The following CACNA2D1 variants were observed in gnomAD, a reference collection of about 807,000 sequenced individuals.
CACNA2D1 encodes calcium voltage-gated channel auxiliary subunit alpha2delta 1.
CACNA2D1 carries 53 observed loss-of-function variants against 171.5 expected under a neutral mutation model. The observed-to-expected ratio is 0.31, with a 90% CI of 0.25 to 0.39. The LOEUF (loss-of-function observed/expected upper bound fraction) is 0.39. CACNA2D1 is among the 10% of genes least tolerant of loss of function. CACNA2D1 has a pLI of 1.00. For synonymous variants in CACNA2D1, 442 were observed against 443.1 expected (o/e 1.00, Z 0.03); for missense variants, 903 against 1,299.8 (o/e 0.69, Z 4.69).
In CACNA2D1 at chr7:82,253,317, C is replaced by T. The variant is rs574736561; in HGVS notation, c.294+81818G>A. Among the ~76,000 whole-genome samples, 13 of 152,164 alleles carry T rather than the reference C, an allele frequency of 8.5e-5. No individual in the cohort carries two copies. In the South Asian group the frequency reaches 2.3e-3, roughly 27 times the overall value. On this transcript the variant is annotated intron_variant, in intron 3 of 38. Coordinates refer to ENST00000356860, the MANE Select transcript of CACNA2D1 (RefSeq NM_000722.4). Reference sequence around the variant, plus strand: ...TAAAGCAAGAAGACAGAAACACAGACCAGAAATGATAAGCGCATCATGTGA... The same window carrying T: ...TAAAGCAAGAAGACAGAAACACAGATCAGAAATGATAAGCGCATCATGTGA...
At chr7:82,073,344 C>A (rs970810225) in intron 7 of CACNA2D1, among the ~76,000 whole-genome samples, 2 of 152,052 alleles carry the variant, frequency 1.3e-5, no homozygotes, top group African/African-American at 4.8e-5. Flanking sequence ...ACTTGTTTAT[C>A]CAGCTTAAAA....
intron 8 of CACNA2D1, 66 bp downstream of exon 8, chr7:82,066,389 G>T: frequency 6.3e-6 from 10 of 1,580,780 alleles, no homozygotes; most frequent in South Asian, 2.3e-5. Flanking sequence ...AAAAAATTCT[G>T]ACTTTTTAGC....
chr7:82,420,991 C>T (rs1163820933), intron 1 of CACNA2D1, among the ~76,000 whole-genome samples: 2 of 152,150 alleles, frequency 1.3e-5, no homozygotes, highest in Admixed American at 6.5e-5. Flanking sequence ...ATCTAACACA[C>T]GGGTATTCAG....
chr7:82,066,363 T>C, intron 8 of CACNA2D1, 92 bp downstream of exon 8: 1 of 1,485,610 alleles, frequency 6.7e-7, no homozygotes, highest in South Asian at 1.2e-5. Context: ...AAGTAGTTAA[T>C]ACTCATCCTA....
chr7:82,011,207 G>C (rs190322489), intron 15 of CACNA2D1, among the ~76,000 whole-genome samples: 7 of 152,158 alleles, frequency 4.6e-5, no homozygotes, highest in African/African-American at 1.7e-4. Context: ...GCTTCTCTGG[G>C]CCACACTGAG....
At chr7:82,063,408 C>G (rs1231612178) in intron 9 of CACNA2D1, among the ~76,000 whole-genome samples, 1 of 152,100 alleles carries the variant, frequency 6.6e-6, no homozygotes, top group Admixed American at 6.5e-5. Flanking sequence ...TTTATCTTCT[C>G]TTTCTCAGAC....
chr7:82,330,646 T>C (rs1326918197), intron 3 of CACNA2D1, among the ~76,000 whole-genome samples: 2 of 152,158 alleles, frequency 1.3e-5, no homozygotes, highest in Non-Finnish European at 2.9e-5. Flanking sequence ...CACTAAATCA[T>C]TCTTTTGAAA....
At chr7:82,101,107 A>C (rs1209536202) in intron 6 of CACNA2D1, among the ~76,000 whole-genome samples, 1 of 152,150 alleles carries the variant, frequency 6.6e-6, no homozygotes, top group African/African-American at 2.4e-5. Context: ...TTATTTATAT[A>C]AGATATTATA....
rs140646382 is a variant in CACNA2D1, at chr7:82,190,872, C to A, written c.295-20263G>T. 3.3e-3 allele frequency among the ~76,000 whole-genome samples: 503 copies of A among 151,678 alleles called. 1 individual carries two copies. Among genetic ancestry groups the A allele is most frequent in the African/African-American group, 0.011 (475 of 41,490 alleles). On this transcript the variant is annotated intron_variant, in intron 3 of 38. Coordinates refer to ENST00000356860, the MANE Select transcript of CACNA2D1 (RefSeq NM_000722.4). ...TTCTCTTTGAGCCTTGAAAAGTCAA[C>A]AGGAGCCATCAAAAAACATTTTTCT...
At chr7:82,350,608 T>A (rs1477247745) in intron 1 of CACNA2D1, among the ~76,000 whole-genome samples, 1 of 152,172 alleles carries the variant, frequency 6.6e-6, no homozygotes, top group Non-Finnish European at 1.5e-5. Flanking sequence ...GAGCTTGCAG[T>A]GAGCTGAGAT....
chr7:82,121,809 T>C (rs1312004415), intron 5 of CACNA2D1, among the ~76,000 whole-genome samples: 1 of 152,142 alleles, frequency 6.6e-6, no homozygotes, highest in African/African-American at 2.4e-5. Context: ...GAAGAACAAA[T>C]TATTTTATGG....
At chr7:82,303,589 CACAT>C (rs1164177351) in intron 3 of CACNA2D1, among the ~76,000 whole-genome samples, 2 of 151,876 alleles carry the variant, frequency 1.3e-5, no homozygotes, top group Non-Finnish European at 2.9e-5. Context: ...TAAAAATAGA[CACAT>C]AGACCAATGG....
chr7:82,066,575 C>G, intron 7 of CACNA2D1, 51 bp from the exon 8 acceptor site: 1 of 1,541,362 alleles, frequency 6.5e-7, no homozygotes, highest in Non-Finnish European at 8.7e-7. Context: ...TAGATATGCT[C>G]TAAAAATAAT....
intron 2 of CACNA2D1, among the ~76,000 whole-genome samples, chr7:82,339,266 A>G (rs1818337220): frequency 1.3e-5 from 2 of 152,220 alleles, no homozygotes; most frequent in Admixed American, 1.3e-4. Context: ...CTCATAAGCA[A>G]GTTAAGTTCC....
At position 82,056,764 on chromosome 7, in the gene CACNA2D1, A is replaced by C. The variant is rs1228220719; in HGVS notation, c.879+3664T>G. Among the ~76,000 whole-genome samples, 3 of 152,208 alleles carry C rather than the reference A, an allele frequency of 2.0e-5. No homozygotes were observed. In the East Asian group the frequency reaches 5.8e-4, roughly 29 times the overall value. On this transcript the variant is annotated intron_variant, in intron 10 of 38. Coordinates refer to ENST00000356860, the MANE Select transcript of CACNA2D1 (RefSeq NM_000722.4). ...CAAATTTGTTTTTCCTATTATGGATACAAATTCCAGTTATGGGTTCCCCTT... is the reference window on the plus strand; with the variant it reads ...CAAATTTGTTTTTCCTATTATGGATCCAAATTCCAGTTATGGGTTCCCCTT...
chr7:82,221,461 T>C (rs11514981), intron 3 of CACNA2D1, among the ~76,000 whole-genome samples: 40,630 of 151,966 alleles, frequency 0.27, 6,670 homozygotes, highest in Non-Finnish European at 0.37. Context: ...ATTTCCAACC[T>C]CAGCCGGGGG....
At chr7:82,394,359 G>A (rs78872513) in intron 1 of CACNA2D1, among the ~76,000 whole-genome samples, 12,221 of 151,828 alleles carry the variant, frequency 0.08, 1,257 homozygotes, top group African/African-American at 0.23. Context: ...AAGAAAAGAC[G>A]AAACAAAGGA....
chr7:82,137,101 T>C (rs979831298), intron 4 of CACNA2D1, among the ~76,000 whole-genome samples: 2 of 152,172 alleles, frequency 1.3e-5, no homozygotes, highest in Admixed American at 6.5e-5. Flanking sequence ...CTGGAGGAAA[T>C]GTGCATCTAT....
At chr7:82,329,864 C>T (rs1300280706) in intron 3 of CACNA2D1, among the ~76,000 whole-genome samples, 3 of 152,014 alleles carry the variant, frequency 2.0e-5, no homozygotes, top group Non-Finnish European at 4.4e-5. Context: ...GGATTTTAGA[C>T]AGAAGTCATA....
Sources: allele counts gnomAD v4.1 joint callset (sites outside exome capture counted in the v4.1 genomes callset), GRCh38; gene constraint gnomAD v4.1.1; transcripts MANE v1.5; gene names NCBI Gene and HGNC (gene_info 2026-07-23, HGNC 2026-07-21).